Variants in TJP1 observed in about 807,000 individuals in gnomAD.
TJP1 encodes tight junction protein ZO-1.
A neutral mutation model predicts 194.2 loss-of-function variants in TJP1; 43 were observed. That is an observed-to-expected ratio of 0.22 (90% confidence interval 0.17 to 0.29). TJP1 has a LOEUF of 0.29. TJP1 is among the 10% of genes least tolerant of loss of function. The pLI is 1.00. For synonymous variants in TJP1, 801 were observed against 779.0 expected, an observed-to-expected ratio of 1.03 and a Z score of -0.47; for missense variants, 1,971 against 2,185.7, an observed-to-expected ratio of 0.90 and a Z score of 1.96.
intron 1 of TJP1, chr15:29,820,798 A>G: frequency 1.9e-6 from 1 of 525,108 alleles, no homozygotes; most frequent in Non-Finnish European, 3.4e-6. Context: ...TCCTCAATGT[A>G]AGGTCAAAAG....
intron 2 of TJP1, among the ~76,000 whole-genome samples, chr15:29,889,951 T>C (rs566900942): frequency 2.0e-5 from 3 of 152,308 alleles, no homozygotes; most frequent in South Asian, 2.1e-4. Flanking sequence ...ACATACCACA[T>C]AGCAAAACAA....
At chr15:29,916,240 C>CAA (rs199907379) in intron 2 of TJP1, among the ~76,000 whole-genome samples, 68 of 96,556 alleles carry the variant, frequency 7.0e-4, no homozygotes, top group African/African-American at 2.0e-3. Flanking sequence ...GACTCTGTCT[C>CAA]AAAAAAAAAA....
intron 2 of TJP1, among the ~76,000 whole-genome samples, chr15:29,856,998 G>T (rs2051881066): frequency 6.6e-6 from 1 of 152,122 alleles, no homozygotes; most frequent in Non-Finnish European, 1.5e-5. Context: ...CTCTAGAGAT[G>T]ATTTAACATA....
chr15:29,712,101 T>C (rs1401600006), intron 23 of TJP1, among the ~76,000 whole-genome samples: 1 of 152,254 alleles, frequency 6.6e-6, no homozygotes, highest in Non-Finnish European at 1.5e-5. Context: ...AATTGCAACA[T>C]TGCCATCTAA....
At chr15:29,949,443 C>T (rs1232841625) in intron 2 of TJP1, among the ~76,000 whole-genome samples, 4 of 145,110 alleles carry the variant, frequency 2.8e-5, no homozygotes, top group African/African-American at 1.0e-4. Flanking sequence ...ACCTCCACCT[C>T]CACCTTCACC....
intron 10 of TJP1, among the ~76,000 whole-genome samples, chr15:29,740,491 T>TCCAC (rs2044340272): frequency 6.6e-6 from 1 of 151,560 alleles, no homozygotes; most frequent in African/African-American, 2.4e-5. Context: ...ATTAGCTAGG[T>TCCAC]GTGGTGGTGT....
intron 2 of TJP1, among the ~76,000 whole-genome samples, chr15:29,793,021 G>A (rs566392812): frequency 1.3e-4 from 20 of 152,192 alleles, no homozygotes; most frequent in Non-Finnish European, 2.8e-4. Context: ...GAGTCCTTAG[G>A]TTTTTCTAAA....
Position 29,701,378 on chromosome 15 carries a change from T to C in TJP1, c.*217A>G. ...AAAATATCTTTGAACCTCTAGCCAA[T>C]ACCAACAGTCCCGTCAATCACAAAC... is the stretch of plus-strand genomic sequence containing the variant. On this transcript the variant is annotated 3_prime_UTR_variant, in exon 28 of 28. Transcript: ENST00000614355. 1 of 442,516 alleles carries C rather than the reference T, an allele frequency of 2.3e-6. No individual in the cohort carries two copies. The highest frequency in any genetic ancestry group is 4.0e-6 in the Non-Finnish European group (1 of 248,390). The allele number at this position is 442,516 out of a possible 1,614,324, so 27.4% of individuals were successfully genotyped here. A position where few individuals can be genotyped will look rare whatever the true frequency, so the allele number is the denominator to read the frequency against.
At chr15:29,926,150 A>T (rs2054516641) in intron 2 of TJP1, among the ~76,000 whole-genome samples, 1 of 152,274 alleles carries the variant, frequency 6.6e-6, no homozygotes, top group Non-Finnish European at 1.5e-5. Flanking sequence ...GAGGTGAAAG[A>T]AATAGAAGTG....
At chr15:29,954,496 T>C (rs549536222) in intron 2 of TJP1, among the ~76,000 whole-genome samples, 181 of 152,358 alleles carry the variant, frequency 1.2e-3, no homozygotes, top group African/African-American at 4.1e-3. Context: ...TGTTTCTTGA[T>C]TAATTCAATG....
chr15:29,894,874 G>A (rs936355706), intron 2 of TJP1, among the ~76,000 whole-genome samples: 10 of 152,334 alleles, frequency 6.6e-5, no homozygotes, highest in African/African-American at 2.4e-4. Flanking sequence ...CTCCTGGAGG[G>A]GCAGCCACTG....
chr15:29,784,364 A>G (rs1044313778), intron 2 of TJP1, among the ~76,000 whole-genome samples: 1 of 152,078 alleles, frequency 6.6e-6, no homozygotes, highest in Non-Finnish European at 1.5e-5. Context: ...CAATGGCTTG[A>G]TCTCGGCTCA....
At chr15:29,901,451 G>A (rs2053632550) in intron 2 of TJP1, among the ~76,000 whole-genome samples, 1 of 152,074 alleles carries the variant, frequency 6.6e-6, no homozygotes, top group Admixed American at 6.6e-5. Flanking sequence ...CCACTCCTTG[G>A]GGCCTTCTCT....
intron 2 of TJP1, among the ~76,000 whole-genome samples, chr15:29,909,786 C>T (rs1719041): frequency 6.6e-6 from 1 of 151,624 alleles, no homozygotes; most frequent in Admixed American, 6.6e-5. Context: ...TTTATGCACT[C>T]GGGCCAAGCT....
chr15:29,905,073 T>G (rs780564901), intron 2 of TJP1, among the ~76,000 whole-genome samples: 6 of 152,194 alleles, frequency 3.9e-5, no homozygotes, highest in Non-Finnish European at 7.4e-5. Flanking sequence ...TTTTGTTGTT[T>G]TAAGCCACCA....
intron 2 of TJP1, among the ~76,000 whole-genome samples, chr15:29,903,289 T>C (rs2053691541): frequency 6.6e-6 from 1 of 152,214 alleles, no homozygotes; most frequent in Non-Finnish European, 1.5e-5. Flanking sequence ...CACAAAATTT[T>C]AGTTTTCTTA....
chr15:29,735,146 G>A (rs1001581312), intron 11 of TJP1, among the ~76,000 whole-genome samples: 2 of 151,670 alleles, frequency 1.3e-5, no homozygotes, highest in Admixed American at 1.3e-4. Context: ...AATGTCACCA[G>A]TGACTGTGTG....
At chr15:29,822,527 G>A (rs888896257), upstream of TJP1, 1 of 973,534 alleles carries the variant, frequency 1.0e-6, no homozygotes, top group Non-Finnish European at 1.2e-6. Context: ...GGGGCTGGAC[G>A]AGGCGAGGCG....
intron 2 of TJP1, among the ~76,000 whole-genome samples, chr15:29,928,114 GA>G (rs969229237): frequency 6.2e-5 from 9 of 145,678 alleles, no homozygotes; most frequent in East Asian, 2.0e-4. Flanking sequence ...AGATTATATA[GA>G]AAAAAAAAAC....
Sources: gnomAD v4.1 joint callset for allele counts (sites outside exome capture counted in the v4.1 genomes callset) on GRCh38, gnomAD v4.1.1 for gene constraint, MANE v1.5 for transcripts, NCBI Gene and HGNC (gene_info 2026-07-23, HGNC 2026-07-21) for gene names.